Variants in GLYR1 observed in about 807,000 individuals in gnomAD.
GLYR1 encodes the protein cytokine-like nuclear factor N-PAC.
Under a neutral mutation model 72.7 loss-of-function variants are expected in GLYR1, and 21 were observed. That is an observed-to-expected ratio of 0.29 (90% CI 0.20 to 0.42). The LOEUF is 0.42. GLYR1 is among the 10% of genes least tolerant of loss of function. The pLI, the probability that GLYR1 is intolerant of heterozygous loss-of-function variation, is 1.00. For synonymous variants in GLYR1, 392 were observed against 270.2 expected (o/e 1.45, Z -4.42); for missense variants, 594 against 712.1 (o/e 0.83, Z 1.89).
At chr16:4,842,823 C>G (rs931798013) in intron 3 of GLYR1, among the ~76,000 whole-genome samples, 1 of 152,166 alleles carries the variant, frequency 6.6e-6, no homozygotes, top group Non-Finnish European at 1.5e-5. Flanking sequence ...CCTCAGCTTC[C>G]TGAGTAGCTG....
chr16:4,839,179 G>GCA (rs372606508), intron 3 of GLYR1: 68 of 152,066 alleles, frequency 4.5e-4, no homozygotes, highest in East Asian at 1.7e-3. Flanking sequence ...CAGAGAAAAA[G>GCA]CACACACACA....
At chr16:4,810,248 G>A (rs1194730607) in intron 15 of GLYR1, among the ~76,000 whole-genome samples, 5 of 127,898 alleles carry the variant, frequency 3.9e-5, no homozygotes, top group African/African-American at 1.3e-4. Flanking sequence ...TGTAATCCCA[G>A]CACTTTGAGA....
intron 15 of GLYR1, among the ~76,000 whole-genome samples, chr16:4,807,282 T>G (rs535852922): frequency 2.6e-5 from 4 of 151,888 alleles, no homozygotes; most frequent in Non-Finnish European, 5.9e-5. Flanking sequence ...CGGCTAATTT[T>G]TGGTATTTTT....
rs190197553 is a variant in GLYR1 at position 4,838,638 on chromosome 16, G to C, written c.156-5726C>G. On this transcript the variant is annotated intron_variant, in intron 3 of 15. Coordinates refer to ENST00000321919, the MANE Select transcript of GLYR1 (RefSeq NM_032569.4). ...GTCTCACTCTGTTGCCCAGGCTGGA[G>C]TGCAGTGGCGCGATCTCGACTTACG... Among the ~76,000 whole-genome samples the C allele has an allele frequency of 4.0e-5, 6 of 151,306 alleles. No individual in the cohort carries two copies. The East Asian group carries it at 7.8e-4, about 20-fold the overall frequency.
At chr16:4,841,139 A>G (rs1043764923) in intron 3 of GLYR1, among the ~76,000 whole-genome samples, 2 of 152,166 alleles carry the variant, frequency 1.3e-5, no homozygotes, top group Admixed American at 6.5e-5. Context: ...AACCTTCGTC[A>G]GTTAGAAATT....
intron 10 of GLYR1, among the ~76,000 whole-genome samples, chr16:4,816,559 C>T (rs1163494027): frequency 1.3e-5 from 2 of 152,000 alleles, no homozygotes; most frequent in Admixed American, 6.6e-5. Context: ...GTTGGTATTC[C>T]TTTGAATTTT....
intron 10 of GLYR1, among the ~76,000 whole-genome samples, chr16:4,816,305 C>T (rs965002501): frequency 6.6e-6 from 1 of 151,972 alleles, no homozygotes; most frequent in African/African-American, 2.4e-5. Context: ...TGCCACCTCA[C>T]TCAGCTAATA....
At position 4,804,009 on chromosome 16, in the gene GLYR1, G is replaced by A. The variant is rs1447103915; in HGVS notation, c.*1227C>T. ...CTCGGAGGGCCAGTCAGTTCAGGTA[G>A]GTCAGGCCCAGTTCTCTTCCCTCCC... On this transcript the variant is annotated 3_prime_UTR_variant, in exon 16 of 16. Transcript: ENST00000321919. 6.6e-6 allele frequency: 1 copy of A among 152,142 alleles called. No individual in the cohort carries two copies. The highest frequency in any genetic ancestry group is 2.4e-5 in the African/African-American group (1 of 41,438). 9.4% of individuals were successfully genotyped at this position (152,142 alleles called of 1,614,324 possible). A position where few individuals can be genotyped will look rare whatever the true frequency, so the allele number is the denominator to read the frequency against.
chr16:4,805,967 C>T (rs1457362312), intron 15 of GLYR1, among the ~76,000 whole-genome samples: 3 of 151,828 alleles, frequency 2.0e-5, no homozygotes, highest in Non-Finnish European at 2.9e-5. Context: ...GGTGACAGAG[C>T]GAGACTCTGT....
chr16:4,803,446 AAAGGG>A lies in GLYR1; in HGVS notation c.*1785_*1789del, dbSNP rs1232329579. 4 of 152,660 alleles carry A rather than the reference AAAGGG, an allele frequency of 2.6e-5. No individual in the cohort carries two copies. The highest frequency in any genetic ancestry group is 9.6e-5 in the African/African-American group (4 of 41,458). The allele number at this position is 152,660 out of a possible 1,614,324, so 9.5% of individuals were successfully genotyped here. A position where few individuals can be genotyped will look rare whatever the true frequency, so the allele number is the denominator to read the frequency against. The stretch of plus-strand genomic sequence containing the variant: ...TCACAAGTGTCACATTTTCTCCTTA[AAAGGG>A]AAGGATTTCAAAAGAAAGGTGAAAT... On this transcript the variant is annotated 3_prime_UTR_variant, in exon 16 of 16. Coordinates refer to ENST00000321919, the MANE Select transcript of GLYR1 (RefSeq NM_032569.4).
Position 4,812,098 on chromosome 16 carries a change from A to T in GLYR1, c.1270T>A (p.Ser424Thr). 6.2e-7 allele frequency: 1 copy of T among 1,613,676 alleles called. No homozygotes were observed. The highest frequency in any genetic ancestry group is 8.5e-7 in the Non-Finnish European group (1 of 1,179,790). Residue 424 changes from serine (S) to threonine (T), a missense_variant, in exon 13 of 16, where the codon TCC (serine) becomes ACC (threonine). Transcript: ENST00000321919. ...GCAGGCGTGTTACCTAGGAAGAAGG[A>T]GGTCTTCCCCATCGCCTGGAAGCAG... ...SSCFQAMGKT[S>T]FFLGEVGNAA... is the part of the protein sequence containing the mutation.
At position 4,805,145 on chromosome 16, in the gene GLYR1, G is replaced by C; in HGVS notation, c.*91C>G. On this transcript the variant is annotated 3_prime_UTR_variant, in exon 16 of 16. Transcript: ENST00000321919. ...AAAAGGAAATGGAGATAGGTGGGCT[G>C]GTCCAGAATGAACTCCCAGGCCCCC... The C allele has an allele frequency of 2.0e-6, 2 of 1,012,162 alleles. No individual in the cohort carries two copies. The highest frequency in any genetic ancestry group is 3.1e-6 in the Non-Finnish European group (2 of 643,900). 62.7% of individuals were successfully genotyped at this position (1,012,162 alleles called of 1,614,324 possible).
At chr16:4,832,971 A>G (rs1482497959) in intron 3 of GLYR1, 59 bp from the exon 4 acceptor site, 20 of 1,484,998 alleles carry the variant, frequency 1.3e-5, no homozygotes, top group Non-Finnish European at 5.4e-6. Flanking sequence ...CTAAAGTATC[A>G]ACAACCTCAC....
In GLYR1 at chr16:4,811,481, G is replaced by A. The variant is rs548745982; in HGVS notation, c.1462+142C>T. 1.2e-4 allele frequency: 149 copies of A among 1,256,156 alleles called. No homozygotes were observed. The highest frequency in any genetic ancestry group is 1.5e-4 in the Non-Finnish European group (135 of 905,016). The allele number at this position is 1,256,156 out of a possible 1,614,324, so 77.8% of individuals were successfully genotyped here. A position where few individuals can be genotyped will look rare whatever the true frequency, so the allele number is the denominator to read the frequency against. ...CTCCCAGCCTATATCCCCAAATCCC[G>A]CCCACTGTGTTTCTGAACCTCCTCT... On this transcript the variant is annotated intron_variant, in intron 14 of 15. Transcript: ENST00000321919.
At chr16:4,815,919 C>A (rs372904753) in intron 10 of GLYR1, among the ~76,000 whole-genome samples, 5 of 151,744 alleles carry the variant, frequency 3.3e-5, no homozygotes, top group South Asian at 2.1e-4. Context: ...GTAGCTGGGA[C>A]TACAGGCGCC....
At chr16:4,821,250 T>G in intron 9 of GLYR1, 130 bp downstream of exon 9, 1 of 875,018 alleles carries the variant, frequency 1.1e-6, no homozygotes, top group Non-Finnish European at 1.9e-6. Flanking sequence ...AGTTACAACA[T>G]CCCCCCACCT....
chr16:4,844,364 G>C (rs750728118), intron 3 of GLYR1, among the ~76,000 whole-genome samples: 3 of 152,088 alleles, frequency 2.0e-5, no homozygotes, highest in Non-Finnish European at 4.4e-5. Flanking sequence ...TTACACATGA[G>C]AACATGATTG....
chr16:4,807,196 C>T lies in GLYR1; in HGVS notation c.1588-1886G>A, dbSNP rs530986154. On this transcript the variant is annotated intron_variant, in intron 15 of 15. Transcript: ENST00000321919. ...GCACGATCTCGGCTCACTGCAACCT[C>T]CGCCTCCTGGGTTCAAGTGATTCTC... 5.3e-5 allele frequency among the ~76,000 whole-genome samples: 8 copies of T among 151,378 alleles called. No homozygotes were observed. The South Asian group carries it at 1.7e-3, about 32-fold the overall frequency.
intron 3 of GLYR1, among the ~76,000 whole-genome samples, chr16:4,837,932 A>T (rs13331734): frequency 1.5e-4 from 22 of 142,514 alleles, no homozygotes; most frequent in African/African-American, 3.8e-4. Context: ...TCCATCTCAA[A>T]AAATAAATAA....
Sources: allele counts gnomAD v4.1 joint callset (sites outside exome capture counted in the v4.1 genomes callset), GRCh38; gene constraint gnomAD v4.1.1; transcripts MANE v1.5; gene names NCBI Gene and HGNC (gene_info 2026-07-23, HGNC 2026-07-21).